The following CAMK2A variants were observed in gnomAD, a reference collection of about 807,000 sequenced individuals.
CAMK2A encodes the protein calcium/calmodulin dependent protein kinase II alpha, also known as calcium/calmodulin-dependent protein kinase type II subunit alpha.
CAMK2A carries 7 observed loss-of-function variants against 79.2 expected under a neutral mutation model. That is an observed-to-expected ratio of 0.09 (90% confidence interval 0.05 to 0.17). The LOEUF (loss-of-function observed/expected upper bound fraction) is 0.17, where lower values mean the gene tolerates loss of function less well. CAMK2A is among the 10% of genes least tolerant of loss of function. CAMK2A has a pLI of 1.00. For missense variants in CAMK2A, 214 were observed against 646.4 expected, an observed-to-expected ratio of 0.33 and a Z score of 7.25; for synonymous variants, 242 against 251.7, an observed-to-expected ratio of 0.96 and a Z score of 0.36.
At chr5:150,273,973 G>A (rs1263251479) in intron 1 of CAMK2A, among the ~76,000 whole-genome samples, 2 of 152,226 alleles carry the variant, frequency 1.3e-5, no homozygotes, top group South Asian at 2.1e-4. Context: ...AGGGGTAGGT[G>A]TTGTTTGCTG....
chr5:150,260,210 A>G (rs895028768), intron 3 of CAMK2A, among the ~76,000 whole-genome samples: 18 of 152,208 alleles, frequency 1.2e-4, no homozygotes, highest in South Asian at 6.2e-4. Flanking sequence ...TAATCCCAGC[A>G]CTTTGGGAGG....
intron 13 of CAMK2A, among the ~76,000 whole-genome samples, chr5:150,242,682 G>T (rs991776113): frequency 3.9e-5 from 6 of 152,126 alleles, no homozygotes; most frequent in African/African-American, 7.2e-5. Context: ...GGTCACCCAG[G>T]GGGAGAACAG....
intron 1 of CAMK2A, among the ~76,000 whole-genome samples, chr5:150,278,652 G>T (rs188481393): frequency 4.3e-4 from 66 of 152,234 alleles, no homozygotes; most frequent in Middle Eastern, 3.4e-3. Flanking sequence ...GTGGCGGATG[G>T]CCATGGGCAG....
chr5:150,227,227 G>A (rs1754643763), intron 17 of CAMK2A, among the ~76,000 whole-genome samples: 1 of 152,166 alleles, frequency 6.6e-6, no homozygotes, highest in Admixed American at 6.5e-5. Flanking sequence ...CCTGAGATTT[G>A]CTTTCTCTTT....
chr5:150,234,948 GTCTTC>G (rs1174528642), intron 15 of CAMK2A, among the ~76,000 whole-genome samples: 1 of 152,192 alleles, frequency 6.6e-6, no homozygotes, highest in Non-Finnish European at 1.5e-5. Context: ...TCTATGCCTA[GTCTTC>G]TCTTCTCAGA....
At chr5:150,248,500 A>T (rs1454275019) in intron 11 of CAMK2A, among the ~76,000 whole-genome samples, 1 of 78,670 alleles carries the variant, frequency 1.3e-5, no homozygotes, top group African/African-American at 5.1e-5. Flanking sequence ...CCCACCCCAC[A>T]ACAGGCCCCG....
chr5:150,278,757 T>C (rs190583079), intron 1 of CAMK2A, among the ~76,000 whole-genome samples: 135 of 152,010 alleles, frequency 8.9e-4, no homozygotes, highest in African/African-American at 3.0e-3. Flanking sequence ...GAAGTGTTCC[T>C]GGGTGCAAGG....
At position 150,253,549 on chromosome 5, in the gene CAMK2A, T is replaced by A; in HGVS notation, c.412-3A>T. 6.2e-7 allele frequency: 1 copy of A among 1,612,708 alleles called. No individual in the cohort carries two copies. Among genetic ancestry groups the A allele is most frequent in the Non-Finnish European group, 8.5e-7 (1 of 1,178,654 alleles). On this transcript the variant is annotated splice_region_variant and splice_polypyrimidine_tract_variant and intron_variant, in intron 6 of 18. Transcript: ENST00000671881. ...GAGGCCAGCAACAGATTCTCAGGCTTGTCAGGACCAGAGAAGAGGGAGGAA... is the reference window on the plus strand; with the variant it reads ...GAGGCCAGCAACAGATTCTCAGGCTAGTCAGGACCAGAGAAGAGGGAGGAA...
At chr5:150,253,568 G>A in intron 6 of CAMK2A, 22 bp from the exon 7 acceptor site, 1 of 1,573,072 alleles carries the variant, frequency 6.4e-7, no homozygotes. Context: ...CAGAGAAGAG[G>A]GAGGAAGGGG....
Position 150,247,768 on chromosome 5 carries a change from C to T in CAMK2A, c.943+4G>A, listed in dbSNP as rs373109150. The T allele has an allele frequency of 1.3e-4, 208 of 1,610,508 alleles. 1 individual carries two copies. In the African/African-American group the frequency reaches 2.6e-3, roughly 20 times the overall value. On this transcript the variant is annotated splice_donor_region_variant and intron_variant, in intron 12 of 18. Transcript: ENST00000671881. The stretch of plus-strand genomic sequence containing the variant: ...ACTGGGGACCCTGAGGTCCTGCCAC[C>T]TACCGGAGAAGTTCCTGGTGGCCAG...
intron 2 of CAMK2A, among the ~76,000 whole-genome samples, chr5:150,271,974 G>T (rs775231493): frequency 2.7e-4 from 41 of 152,178 alleles, no homozygotes; most frequent in Non-Finnish European, 5.3e-4. Context: ...TTAAGGCAGT[G>T]GTTCTCAAAC....
At chr5:150,280,698 A>G (rs1482419949) in intron 1 of CAMK2A, among the ~76,000 whole-genome samples, 1 of 148,336 alleles carries the variant, frequency 6.7e-6, no homozygotes, top group East Asian at 2.0e-4. Flanking sequence ...TGCCTGCCCC[A>G]CCCCAGGTAG....
chr5:150,240,708 G>A (rs1259199842), intron 13 of CAMK2A, among the ~76,000 whole-genome samples: 1 of 152,210 alleles, frequency 6.6e-6, no homozygotes, highest in Admixed American at 6.5e-5. Context: ...GAGGTGCAGT[G>A]GCCTGCACAA....
chr5:150,245,235 C>A (rs747588013), intron 12 of CAMK2A, 34 bp from the exon 13 acceptor site: 1 of 1,608,832 alleles, frequency 6.2e-7, no homozygotes, highest in African/African-American at 1.3e-5. Context: ...GTTAACAACG[C>A]CAGGCAGGGC....
At chr5:150,242,663 G>T (rs1407379090) in intron 13 of CAMK2A, among the ~76,000 whole-genome samples, 1 of 152,146 alleles carries the variant, frequency 6.6e-6, no homozygotes, top group East Asian at 1.9e-4. Context: ...CAACAGAATC[G>T]CTGGCCTGGG....
chr5:150,238,620 G>A, intron 15 of CAMK2A, 80 bp downstream of exon 15: 2 of 1,341,504 alleles, frequency 1.5e-6, no homozygotes, highest in Non-Finnish European at 2.1e-6. Flanking sequence ...TTGGCACGTG[G>A]GAGCTGTCAG....
At chr5:150,257,876 C>T (rs1367385643) in intron 3 of CAMK2A, among the ~76,000 whole-genome samples, 1 of 152,228 alleles carries the variant, frequency 6.6e-6, no homozygotes, top group Non-Finnish European at 1.5e-5. Context: ...TAGCGCCCTC[C>T]CCTCTCCGAA....
chr5:150,240,388 T>A (rs762457186), intron 13 of CAMK2A, among the ~76,000 whole-genome samples: 6 of 152,196 alleles, frequency 3.9e-5, no homozygotes, highest in Non-Finnish European at 8.8e-5. Context: ...CAGCTTGCAT[T>A]CACAACCTCC....
intron 15 of CAMK2A, among the ~76,000 whole-genome samples, chr5:150,236,426 C>T (rs1755063035): frequency 6.6e-6 from 1 of 152,234 alleles, no homozygotes; most frequent in South Asian, 2.1e-4. Context: ...GGGCCAAACA[C>T]TACATGTGCA....
Sources: allele counts gnomAD v4.1 joint callset (sites outside exome capture counted in the v4.1 genomes callset), GRCh38; gene constraint gnomAD v4.1.1; transcripts MANE v1.5; gene names NCBI Gene and HGNC (gene_info 2026-07-23, HGNC 2026-07-21).